The following TRIM61 variants were observed in gnomAD, a reference collection of about 807,000 sequenced individuals.
TRIM61 encodes the protein tripartite motif containing 61, also known as putative tripartite motif-containing protein 61.
Under a neutral mutation model 14.2 loss-of-function variants are expected in TRIM61, and 1 was observed. The observed-to-expected ratio is 0.07, with a 90% CI of 0.03 to 0.33. TRIM61 has a LOEUF of 0.33. Among genes scored for constraint, TRIM61 ranks in the 10% least tolerant of loss-of-function variants. The pLI is 0.99. For synonymous variants in TRIM61, 8 were observed against 71.6 expected (o/e 0.11, Z 4.49); for missense variants, 19 against 202.2 (o/e 0.09, Z 5.49).
intron 2 of TRIM61, among the ~76,000 whole-genome samples, chr4:164,973,924 C>G (rs1336654551): frequency 1.3e-5 from 2 of 152,250 alleles, no homozygotes; most frequent in Non-Finnish European, 2.9e-5. Flanking sequence ...AATCCCAGCA[C>G]TTTGGGAGGC....
chr4:164,972,384 A>T (rs763241085), intron 2 of TRIM61, among the ~76,000 whole-genome samples: 12 of 151,422 alleles, frequency 7.9e-5, no homozygotes, highest in Non-Finnish European at 1.5e-4. Flanking sequence ...TCCAAACAAG[A>T]GCCATGTATT....
chr4:164,975,606 T>C (rs1286692560), intron 2 of TRIM61, among the ~76,000 whole-genome samples: 2 of 152,194 alleles, frequency 1.3e-5, no homozygotes, highest in Admixed American at 1.3e-4. Context: ...GTTAACAAAA[T>C]GTTTACAAGC....
rs776515678 is a variant in TRIM61 at position 164,955,081 on chromosome 4, CAGA to C, written c.538_540del (p.Ser180del). The C allele has an allele frequency of 1.5e-5, 2 of 130,910 alleles. No homozygotes were observed. Among genetic ancestry groups the C allele is most frequent in the South Asian group, 3.1e-4 (2 of 6,470 alleles). 8.1% of individuals were successfully genotyped at this position (130,910 alleles called of 1,614,324 possible). A position where few individuals can be genotyped will look rare whatever the true frequency, so the allele number is the denominator to read the frequency against. ...GTGCAACTGCACTCCAGCCTGGTGA[CAGA>C]AGGAGACTCCATCTCAAAAAAAAAA... On this transcript the variant is annotated inframe_deletion, in exon 4 of 5. Transcript: ENST00000329314.
rs1814925 is a variant in TRIM61 at position 164,970,095 on chromosome 4, A to C, written c.-93T>G. ...TCAAGACCCAGTACACAGTGGATAT[A>C]CTCCCCAGACCTTGAAATCTGATCA... On this transcript the variant is annotated 5_prime_UTR_variant, in exon 3 of 5. Transcript: ENST00000329314. 394,928 of 1,211,796 alleles carry C rather than the reference A, an allele frequency of 0.33. 44,989 individuals carry two copies. Among genetic ancestry groups the C allele is most frequent in the Admixed American group, 0.4 (16,859 of 42,454 alleles). 75.1% of individuals were successfully genotyped at this position (1,211,796 alleles called of 1,614,324 possible). A position where few individuals can be genotyped will look rare whatever the true frequency, so the allele number is the denominator to read the frequency against.
chr4:164,966,910 G>T (rs938132716), intron 3 of TRIM61, among the ~76,000 whole-genome samples: 4 of 151,986 alleles, frequency 2.6e-5, no homozygotes, highest in African/African-American at 9.7e-5. Context: ...GTGGGTGACA[G>T]AGCGAGACTC....
chr4:164,957,602 T>A, intron 3 of TRIM61: 1 of 1,191,460 alleles, frequency 8.4e-7, no homozygotes, highest in East Asian at 2.6e-5. Flanking sequence ...TTATGTTAAC[T>A]AAAAATACAT....
intron 1 of TRIM61, among the ~76,000 whole-genome samples, chr4:164,977,117 A>G (rs1213950738): frequency 6.6e-6 from 1 of 152,140 alleles, no homozygotes; most frequent in Non-Finnish European, 1.5e-5. Flanking sequence ...CAAAGTTGAA[A>G]TGATAATTCG....
intron 3 of TRIM61, among the ~76,000 whole-genome samples, chr4:164,964,185 T>TA (rs1463018584): frequency 4.0e-5 from 6 of 151,116 alleles, no homozygotes; most frequent in Admixed American, 4.0e-4. Context: ...CCATCTCTAT[T>TA]AAAAATACAA....
At chr4:164,965,446 CTTTTTTT>C (rs70952674) in intron 3 of TRIM61, among the ~76,000 whole-genome samples, 2 of 126,294 alleles carry the variant, frequency 1.6e-5, no homozygotes, top group African/African-American at 3.1e-5. Context: ...TCTGCCTATG[CTTTTTTT>C]TTTTTTTTTT....
At position 164,956,227 on chromosome 4, in the gene TRIM61, G is replaced by A. The variant is rs548139329; in HGVS notation, c.526-1131C>T. Among the ~76,000 whole-genome samples the A allele has an allele frequency of 5.3e-5, 8 of 152,160 alleles. No individual in the cohort carries two copies. In the East Asian group the frequency reaches 7.7e-4, roughly 15 times the overall value. ...ACCACAGGGGCGGGCCAACATGTCC[G>A]GCTAATTTTTGTATTTTTTGTACAG... On this transcript the variant is annotated intron_variant, in intron 3 of 4. Transcript: ENST00000329314.
intron 3 of TRIM61, among the ~76,000 whole-genome samples, chr4:164,966,943 TAA>T (rs1194618868): frequency 5.3e-5 from 8 of 150,474 alleles, no homozygotes; most frequent in African/African-American, 1.5e-4. Context: ...AAAAAAAAAA[TAA>T]AAAGAGAAAA....
At chr4:164,965,170 T>C (rs542083920) in intron 3 of TRIM61, among the ~76,000 whole-genome samples, 6 of 152,082 alleles carry the variant, frequency 3.9e-5, no homozygotes, top group African/African-American at 1.4e-4. Flanking sequence ...AGTCTGTAAT[T>C]CCAGCTATTC....
In TRIM61 at chr4:164,969,741, TCTTCTTG is replaced by T. The variant is rs1197821457; in HGVS notation, c.255_261del (p.Ser85ArgfsTer18). 6.2e-7 allele frequency: 1 copy of T among 1,611,510 alleles called. No homozygotes were observed. The highest frequency in any genetic ancestry group is 1.3e-5 in the African/African-American group (1 of 74,858). On this transcript the variant is annotated frameshift_variant, in exon 3 of 5. Coordinates refer to ENST00000329314, the MANE Select transcript of TRIM61 (RefSeq NM_001012414.3). LOFTEE classifies it high-confidence loss of function. ...ACATGCTTCTCTTCCTGCCTCTTCC[TCTTCTTG>T]CTTCTTATCTGGAGTTGCTTAGCAA...
intron 3 of TRIM61, among the ~76,000 whole-genome samples, chr4:164,963,756 A>G (rs921923302): frequency 1.3e-5 from 2 of 151,966 alleles, no homozygotes; most frequent in Admixed American, 6.6e-5. Flanking sequence ...AAAAAAAAAA[A>G]AAAAAGAAAT....
In TRIM61 at chr4:164,969,249, C is replaced by A. The variant is rs912462349; in HGVS notation, c.525+229G>T. 21 of 1,401,966 alleles carry A rather than the reference C, an allele frequency of 1.5e-5. No individual in the cohort carries two copies. The African/African-American group carries it at 2.9e-4, about 19-fold the overall frequency. 86.8% of individuals were successfully genotyped at this position (1,401,966 alleles called of 1,614,324 possible). A position where few individuals can be genotyped will look rare whatever the true frequency, so the allele number is the denominator to read the frequency against. ...TCATATCTGTGATAGATATCCTTAA[C>A]ATTTGCCAGTAATTCCAGTTCTGAC... On this transcript the variant is annotated intron_variant, in intron 3 of 4. Coordinates refer to ENST00000329314, the MANE Select transcript of TRIM61 (RefSeq NM_001012414.3).
intron 3 of TRIM61, among the ~76,000 whole-genome samples, chr4:164,966,958 G>T (rs1391026589): frequency 6.6e-6 from 1 of 151,942 alleles, no homozygotes; most frequent in Non-Finnish European, 1.5e-5. Context: ...AGAGAAAAAT[G>T]ATCTGTATTA....
At chr4:164,958,144 T>C (rs1200530609) in intron 3 of TRIM61, 2 of 167,042 alleles carry the variant, frequency 1.2e-5, no homozygotes, top group Non-Finnish European at 1.5e-5. Context: ...TGGATAGATA[T>C]AATAGAGTTG....
At chr4:164,972,924 G>T (rs145695509) in intron 2 of TRIM61, among the ~76,000 whole-genome samples, 2 of 152,024 alleles carry the variant, frequency 1.3e-5, no homozygotes, top group South Asian at 2.1e-4. Context: ...CCCTTAGCTC[G>T]CCATTCAGAA....
At chr4:164,976,267 C>T (rs1474046389) in intron 2 of TRIM61, among the ~76,000 whole-genome samples, 1 of 152,172 alleles carries the variant, frequency 6.6e-6, no homozygotes, top group Non-Finnish European at 1.5e-5. Context: ...GAGCGCCGGT[C>T]CCCTGGGCCC....
Sources: gnomAD v4.1 joint callset for allele counts (sites outside exome capture counted in the v4.1 genomes callset) on GRCh38, gnomAD v4.1.1 for gene constraint, MANE v1.5 for transcripts, NCBI Gene and HGNC (gene_info 2026-07-23, HGNC 2026-07-21) for gene names.